Variants in DEPTOR observed in about 807,000 individuals in gnomAD.
The protein encoded by DEPTOR is DEP domain containing MTOR interacting protein, also known as DEP domain-containing mTOR-interacting protein.
In DEPTOR, 41 loss-of-function variants were observed where a neutral mutation model predicts 41.6. The ratio of observed to expected loss-of-function variants is 0.98; its 90% CI spans 0.77 to 1.28. The LOEUF is 1.28. Among genes scored for constraint, DEPTOR ranks in the 50% most tolerant of loss-of-function variants. DEPTOR has a pLI of 0.00. For missense variants in DEPTOR, 514 were observed against 527.9 expected, an observed-to-expected ratio of 0.97 and a Z score of 0.26; for synonymous variants, 195 against 192.3, an observed-to-expected ratio of 1.01 and a Z score of -0.12.
intron 1 of DEPTOR, among the ~76,000 whole-genome samples, chr8:119,912,363 A>C (rs1319753812): frequency 6.6e-6 from 1 of 152,234 alleles, no homozygotes; most frequent in South Asian, 2.1e-4. Context: ...CACCTGTTTC[A>C]GTTACATAAT....
chr8:119,887,548 G>A (rs1827388823), intron 1 of DEPTOR, among the ~76,000 whole-genome samples: 1 of 125,156 alleles, frequency 8.0e-6, no homozygotes, highest in Non-Finnish European at 1.7e-5. Context: ...CACCCAGGCT[G>A]GAGTTCAGTG....
chr8:119,893,994 A>G (rs1051067652), intron 1 of DEPTOR, among the ~76,000 whole-genome samples: 1 of 152,198 alleles, frequency 6.6e-6, no homozygotes, highest in African/African-American at 2.4e-5. Flanking sequence ...CGGGATCTAT[A>G]TACTTTTGGG....
At chr8:120,011,163 A>G (rs1214720447) in intron 8 of DEPTOR, among the ~76,000 whole-genome samples, 1 of 152,202 alleles carries the variant, frequency 6.6e-6, no homozygotes, top group Non-Finnish European at 1.5e-5. Context: ...TAAGTGGGCA[A>G]CAGAAAATGG....
intron 4 of DEPTOR, among the ~76,000 whole-genome samples, chr8:119,980,778 A>G (rs916162078): frequency 6.6e-6 from 1 of 152,006 alleles, no homozygotes; most frequent in African/African-American, 2.4e-5. Flanking sequence ...TCGGCCTTCC[A>G]AAGTGCTGGG....
chr8:119,889,632 AAGGGGAGGGGAGGGGAGGATGGGG>A (rs2129709033), intron 1 of DEPTOR, among the ~76,000 whole-genome samples: 1 of 36,618 alleles, frequency 2.7e-5, no homozygotes, highest in East Asian at 1.3e-3. Flanking sequence ...GAGGGAAGGG[AAGGGGAGGGGAGGGGAGGATGGGG>A]AGGGGAGGGG....
Position 119,900,380 on chromosome 8 carries a change from C to CTTTTTTTTT in DEPTOR, c.122+26428_122+26436dup, listed in dbSNP as rs377443807. ...TAAATGTCTATTACACACCCCTCAC[C>CTTTTTTTTT]TTTTTTTTTTTTTTTTTTTTTTTTG... On this transcript the variant is annotated intron_variant, in intron 1 of 8. Coordinates refer to ENST00000286234, the MANE Select transcript of DEPTOR (RefSeq NM_022783.4). Among the ~76,000 whole-genome samples the CTTTTTTTTT allele has an allele frequency of 1.2e-3, 53 of 43,914 alleles. 8 individuals are homozygous for CTTTTTTTTT. Among genetic ancestry groups the CTTTTTTTTT allele is most frequent in the African/African-American group, 5.7e-3 (47 of 8,310 alleles). The allele number at this position is 43,914 out of a possible 152,430, so 28.8% of individuals were successfully genotyped here. A position where few individuals can be genotyped will look rare whatever the true frequency, so the allele number is the denominator to read the frequency against.
chr8:120,008,317 C>T (rs1402469602), intron 7 of DEPTOR, among the ~76,000 whole-genome samples: 3 of 152,024 alleles, frequency 2.0e-5, no homozygotes, highest in Non-Finnish European at 4.4e-5. Context: ...CACCTGAGCT[C>T]AGGAGTTCGA....
intron 8 of DEPTOR, among the ~76,000 whole-genome samples, chr8:120,042,988 T>G (rs945907941): frequency 6.6e-6 from 1 of 152,072 alleles, no homozygotes; most frequent in Non-Finnish European, 1.5e-5. Context: ...GTAGCTGGGA[T>G]TACAGGTATG....
At chr8:119,894,527 G>C (rs2129726917) in intron 1 of DEPTOR, among the ~76,000 whole-genome samples, 1 of 151,676 alleles carries the variant, frequency 6.6e-6, no homozygotes, top group South Asian at 2.1e-4. Flanking sequence ...CTCCCAAGTA[G>C]CTGGGACTAC....
chr8:119,942,972 T>C (rs1828222905), intron 3 of DEPTOR, among the ~76,000 whole-genome samples: 1 of 152,232 alleles, frequency 6.6e-6, no homozygotes, highest in African/African-American at 2.4e-5. Flanking sequence ...AAAAAACACA[T>C]GCCTTCCTAT....
intron 1 of DEPTOR, among the ~76,000 whole-genome samples, chr8:119,919,272 G>A (rs1827859208): frequency 6.6e-6 from 1 of 152,068 alleles, no homozygotes; most frequent in Admixed American, 6.5e-5. Flanking sequence ...AGTGGAGGTG[G>A]AGGAAAGCCT....
chr8:120,003,135 G>C lies in DEPTOR; in HGVS notation c.925+24G>C, dbSNP rs762783059. On this transcript the variant is annotated intron_variant, in intron 6 of 8. Transcript: ENST00000286234. ...CGGTGAGTGCCCAAAAGGTGGCCCC[G>C]CTCCTAAGACTGTGGGGACTTGGGC... 1.9e-6 allele frequency: 3 copies of C among 1,607,528 alleles called. No homozygotes were observed. In the East Asian group the frequency reaches 6.7e-5, roughly 36 times the overall value.
At chr8:120,020,616 GAGTTTCT>G (rs1049318369) in intron 8 of DEPTOR, among the ~76,000 whole-genome samples, 5 of 152,182 alleles carry the variant, frequency 3.3e-5, no homozygotes, top group Non-Finnish European at 7.3e-5. Context: ...CGTAGGGCTT[GAGTTTCT>G]AGTTTGTGAC....
chr8:120,035,844 A>T (rs1311172357), intron 8 of DEPTOR, among the ~76,000 whole-genome samples: 1 of 152,136 alleles, frequency 6.6e-6, no homozygotes, highest in Admixed American at 6.6e-5. Flanking sequence ...GCAACTGAAC[A>T]CTTCTTATAA....
intron 8 of DEPTOR, among the ~76,000 whole-genome samples, chr8:120,038,416 A>C (rs1048508572): frequency 6.6e-6 from 1 of 151,922 alleles, no homozygotes; most frequent in East Asian, 1.9e-4. Context: ...CCTGGGCAAC[A>C]TGGCAAAATC....
intron 4 of DEPTOR, among the ~76,000 whole-genome samples, chr8:119,985,746 T>C (rs1828820293): frequency 6.6e-6 from 1 of 151,722 alleles, no homozygotes; most frequent in African/African-American, 2.4e-5. Context: ...TTTACCATTA[T>C]GTAATGCCCT....
At position 120,006,649 on chromosome 8, in the gene DEPTOR, A is replaced by T. The variant is rs1543201; in HGVS notation, c.926-156A>T. Among the ~76,000 whole-genome samples the T allele has an allele frequency of 0.84, 127,241 of 152,062 alleles. 53,457 individuals are homozygous for T. Among genetic ancestry groups the T allele is most frequent in the African/African-American group, 0.91 (37,712 of 41,498 alleles). ...GGGTTATTTATGTTTGCTGCTATTTACTGTCTCCATTCAGCTAAAATATAA... is the reference window on the plus strand; with the variant it reads ...GGGTTATTTATGTTTGCTGCTATTTTCTGTCTCCATTCAGCTAAAATATAA... On this transcript the variant is annotated intron_variant, in intron 6 of 8. Coordinates refer to ENST00000286234, the MANE Select transcript of DEPTOR (RefSeq NM_022783.4).
At chr8:119,982,722 C>A (rs189440134) in intron 4 of DEPTOR, among the ~76,000 whole-genome samples, 79 of 152,322 alleles carry the variant, frequency 5.2e-4, no homozygotes, top group African/African-American at 1.7e-3. Context: ...GGCCTCATGT[C>A]TGCACTCTGG....
intron 8 of DEPTOR, among the ~76,000 whole-genome samples, chr8:120,033,081 CTTT>C (rs35161313): frequency 0.58 from 57,818 of 98,868 alleles, 15,171 homozygotes; most frequent in Middle Eastern, 0.72. Context: ...ATATGGAATT[CTTT>C]TTTTTTTTTT....
Sources: allele counts gnomAD v4.1 joint callset (sites outside exome capture counted in the v4.1 genomes callset), GRCh38; gene constraint gnomAD v4.1.1; transcripts MANE v1.5; gene names NCBI Gene and HGNC (gene_info 2026-07-23, HGNC 2026-07-21).